Variants in TMC7 observed in about 807,000 individuals in gnomAD.
TMC7 encodes transmembrane channel like 7.
Under a neutral mutation model 82.9 loss-of-function variants are expected in TMC7, and 54 were observed. The observed-to-expected ratio is 0.65, with a 90% CI of 0.52 to 0.82. The LOEUF is 0.82. TMC7 is among the 40% of genes least tolerant of loss of function. TMC7 has a pLI of 0.00. For synonymous variants in TMC7, 350 were observed against 337.9 expected (o/e 1.04, Z -0.39); for missense variants, 820 against 901.2 (o/e 0.91, Z 1.15).
chr16:19,033,802 G>A lies in TMC7; in HGVS notation c.858-1874G>A, dbSNP rs565109145. ...TTCTGGAGCCCACATGAGACCTATCGAATTGAAAATCTCAGGTAAGAAACC... is the reference window on the plus strand; with the variant it reads ...TTCTGGAGCCCACATGAGACCTATCAAATTGAAAATCTCAGGTAAGAAACC... On this transcript the variant is annotated intron_variant, in intron 6 of 15. Coordinates refer to ENST00000304381, the MANE Select transcript of TMC7 (RefSeq NM_024847.4). 4.6e-5 allele frequency: 7 copies of A among 152,306 alleles called. No individual in the cohort carries two copies. In the South Asian group the frequency reaches 1.5e-3, roughly 32 times the overall value. The allele number at this position is 152,306 out of a possible 1,614,324, so 9.4% of individuals were successfully genotyped here. A position where few individuals can be genotyped will look rare whatever the true frequency, so the allele number is the denominator to read the frequency against.
intron 7 of TMC7, among the ~76,000 whole-genome samples, chr16:19,036,343 A>G (rs987764564): frequency 1.3e-5 from 2 of 152,114 alleles, no homozygotes; most frequent in Admixed American, 1.3e-4. Flanking sequence ...CCCCATCTCT[A>G]CTAAAAATAC....
chr16:19,038,804 C>T (rs1396829720), intron 8 of TMC7, among the ~76,000 whole-genome samples: 2 of 152,174 alleles, frequency 1.3e-5, no homozygotes, highest in Non-Finnish European at 2.9e-5. Flanking sequence ...AGGTGTTAGC[C>T]ACCGCACCTG....
intron 3 of TMC7, among the ~76,000 whole-genome samples, chr16:19,020,250 T>C (rs1048349360): frequency 6.6e-6 from 1 of 152,204 alleles, no homozygotes; most frequent in African/African-American, 2.4e-5. Context: ...GATGAAATAT[T>C]GAAAGCTCTT....
At chr16:19,028,127 C>G (rs1416506734) in intron 5 of TMC7, among the ~76,000 whole-genome samples, 1 of 152,082 alleles carries the variant, frequency 6.6e-6, no homozygotes, top group Non-Finnish European at 1.5e-5. Context: ...TGTAGGGAAC[C>G]TCTATGTATT....
rs536072213 is a variant in TMC7 at position 19,029,147 on chromosome 16, A to G, written c.712-1077A>G. 1.7e-3 allele frequency among the ~76,000 whole-genome samples: 255 copies of G among 151,620 alleles called. 2 individuals are homozygous for G. The highest frequency in any genetic ancestry group is 3.6e-3 in the Admixed American group (54 of 15,194). Reference sequence around the variant, plus strand: ...CAGCCTCCCGAGTAGCTGGGACTACAGGCGCCCGCCACCACACCCGGCTAA... The same window carrying G: ...CAGCCTCCCGAGTAGCTGGGACTACGGGCGCCCGCCACCACACCCGGCTAA... On this transcript the variant is annotated intron_variant, in intron 5 of 15. Coordinates refer to ENST00000304381, the MANE Select transcript of TMC7 (RefSeq NM_024847.4).
intron 7 of TMC7, 39 bp from the exon 8 acceptor site, chr16:19,037,835 C>T: frequency 6.3e-7 from 1 of 1,587,524 alleles, no homozygotes; most frequent in Non-Finnish European, 8.6e-7. Context: ...AGTATCCCTT[C>T]ATCCCACTGC....
At chr16:19,047,946 G>T (rs987725491) in intron 12 of TMC7, among the ~76,000 whole-genome samples, 1 of 151,520 alleles carries the variant, frequency 6.6e-6, no homozygotes, top group Non-Finnish European at 1.5e-5. Context: ...TGATCCACCC[G>T]CCTCGGCCTC....
At chr16:19,015,870 C>T (rs1461638604) in intron 2 of TMC7, among the ~76,000 whole-genome samples, 1 of 151,992 alleles carries the variant, frequency 6.6e-6, no homozygotes, top group African/African-American at 2.4e-5. Context: ...GCCACCACGC[C>T]CAGCCTCATG....
rs551874323 is a variant in TMC7, at chr16:18,990,456, G to A, written c.67+6326G>A. On this transcript the variant is annotated intron_variant, in intron 1 of 15. Transcript: ENST00000304381. ...ATTACAGGTGCCCGCCACCATGCCCGGCTAATTTTTGTATTTTTAGTAGAG... is the reference window on the plus strand; with the variant it reads ...ATTACAGGTGCCCGCCACCATGCCCAGCTAATTTTTGTATTTTTAGTAGAG... Among the ~76,000 whole-genome samples, 48 of 152,184 alleles carry A rather than the reference G, an allele frequency of 3.2e-4. No homozygotes were observed. The East Asian group carries it at 8.3e-3, about 26-fold the overall frequency.
chr16:19,001,375 T>TA (rs2039137924), intron 1 of TMC7, among the ~76,000 whole-genome samples: 1 of 151,996 alleles, frequency 6.6e-6, no homozygotes, highest in Non-Finnish European at 1.5e-5. Context: ...AACACACAAG[T>TA]AAAAAATTAA....
At chr16:19,045,738 A>T (rs1961247913) in intron 11 of TMC7, among the ~76,000 whole-genome samples, 1 of 151,738 alleles carries the variant, frequency 6.6e-6, no homozygotes, top group South Asian at 2.1e-4. Flanking sequence ...CTGGGACTAC[A>T]GGTGTGTGCC....
At chr16:19,060,210 T>A (rs920379299) in intron 15 of TMC7, among the ~76,000 whole-genome samples, 9 of 152,110 alleles carry the variant, frequency 5.9e-5, no homozygotes, top group African/African-American at 2.2e-4. Flanking sequence ...GATTTTTTTT[T>A]ATTTTTTTAT....
intron 2 of TMC7, among the ~76,000 whole-genome samples, chr16:19,014,780 T>C (rs1301439207): frequency 6.6e-6 from 1 of 152,046 alleles, no homozygotes; most frequent in East Asian, 1.9e-4. Context: ...GGATCAGCTT[T>C]GTGGGCCGTG....
At chr16:19,028,922 G>C (rs1960361399) in intron 5 of TMC7, among the ~76,000 whole-genome samples, 1 of 151,784 alleles carries the variant, frequency 6.6e-6, no homozygotes, top group Non-Finnish European at 1.5e-5. Context: ...CCAAGGTTCT[G>C]GGATTACAGG....
chr16:19,048,049 A>AT (rs1369768798), intron 12 of TMC7, among the ~76,000 whole-genome samples: 4 of 150,570 alleles, frequency 2.7e-5, no homozygotes, highest in Non-Finnish European at 3.0e-5. Flanking sequence ...TTTGTTAAGA[A>AT]TTTTTTTTAT....
chr16:19,021,684 G>A lies in TMC7; in HGVS notation c.516G>A (p.Leu172=), dbSNP rs141342275. The change falls in exon 4 of 16, where the codon TTG becomes TTA. Residue 172 remains leucine, a synonymous_variant. Transcript: ENST00000304381. ...TCTCCTTCTTGAGATTCCTGGTGTT[G>A]CTGAATTTGGTGATATTTCTGATCA... is the stretch of plus-strand genomic sequence containing the variant. ...SYFSFLRFLV[L]LNLVIFLIIF... 1.0e-4 allele frequency: 168 copies of A among 1,614,078 alleles called. 2 individuals carry two copies. The East Asian group carries it at 3.6e-3, about 35-fold the overall frequency.
intron 1 of TMC7, 98 bp from the exon 2 acceptor site, chr16:19,009,074 C>T: frequency 1.5e-6 from 2 of 1,366,956 alleles, no homozygotes; most frequent in Non-Finnish European, 2.0e-6. Context: ...AGGCTAGTAA[C>T]TATCTGCAAG....
Position 19,026,371 on chromosome 16 carries a change from G to A in TMC7, c.711+3176G>A, listed in dbSNP as rs559670887. On this transcript the variant is annotated intron_variant, in intron 5 of 15. Transcript: ENST00000304381. ...AGGCACCTGTAGTCCCAGCTACTTGGGAGGCTGAGGCAGGAGAATGGCGTG... is the reference window on the plus strand; with the variant it reads ...AGGCACCTGTAGTCCCAGCTACTTGAGAGGCTGAGGCAGGAGAATGGCGTG... 2.0e-5 allele frequency among the ~76,000 whole-genome samples: 3 copies of A among 151,734 alleles called. No homozygotes were observed. In the South Asian group the frequency reaches 6.3e-4, roughly 32 times the overall value.
Position 19,044,939 on chromosome 16 carries a change from A to C in TMC7, c.1393A>C (p.Lys465Gln), listed in dbSNP as rs780439085. 1 of 1,614,052 alleles carries C rather than the reference A, an allele frequency of 6.2e-7. No homozygotes were observed. The highest frequency in any genetic ancestry group is 8.5e-7 in the Non-Finnish European group (1 of 1,180,018). The change falls in exon 10 of 16, where the codon AAG (lysine) becomes CAG (glutamine). Residue 465 changes from lysine (K) to glutamine (Q), a missense_variant. Around this residue, in one of 2 missense-constraint regions of TMC7, gnomAD observed 650 missense variants for 669.9 expected, o/e 0.97. Transcript: ENST00000304381. Reference sequence around the variant, plus strand: ...TGTCCTGGTGTTCACGCTGGGCTCCAAGATCACATCCTGTGATGATGACAC... The same window carrying C: ...TGTCCTGGTGTTCACGCTGGGCTCCCAGATCACATCCTGTGATGATGACAC... ...ICVLVFTLGS[K>Q]ITSCDDDTCD...
Sources: allele counts gnomAD v4.1 joint callset (sites outside exome capture counted in the v4.1 genomes callset), GRCh38; gene constraint gnomAD v4.1.1; regional missense constraint gnomAD v4.1.1; transcripts MANE v1.5; gene names NCBI Gene and HGNC (gene_info 2026-07-23, HGNC 2026-07-21).